The following USP13 variants were observed in gnomAD, a reference collection of about 807,000 sequenced individuals.
The protein encoded by USP13 is ubiquitin carboxyl-terminal hydrolase 13.
Under a neutral mutation model 107.8 loss-of-function variants are expected in USP13, and 68 were observed. The observed-to-expected ratio is 0.63, with a 90% CI of 0.52 to 0.77. The LOEUF (loss-of-function observed/expected upper bound fraction) is 0.77. Among genes scored for constraint, USP13 ranks in the 30% least tolerant of loss-of-function variants. The pLI is 0.00. For synonymous variants in USP13, 377 were observed against 389.5 expected (o/e 0.97, Z 0.38); for missense variants, 945 against 1,093.3 (o/e 0.86, Z 1.91).
intron 4 of USP13, among the ~76,000 whole-genome samples, chr3:179,705,796 C>T (rs1482162546): frequency 1.3e-5 from 2 of 152,148 alleles, no homozygotes; most frequent in Admixed American, 1.3e-4. Flanking sequence ...GTTCTCAGCT[C>T]ACTACAGCCT....
intron 2 of USP13, among the ~76,000 whole-genome samples, chr3:179,687,232 C>T (rs1215107940): frequency 6.6e-6 from 1 of 152,102 alleles, no homozygotes; most frequent in Non-Finnish European, 1.5e-5. Flanking sequence ...TTCTGGAGAC[C>T]TAGATATTCT....
At chr3:179,666,304 T>C (rs1054484964) in intron 1 of USP13, among the ~76,000 whole-genome samples, 1 of 152,192 alleles carries the variant, frequency 6.6e-6, no homozygotes, top group East Asian at 1.9e-4. Context: ...TTGTATCATT[T>C]GTGTAAAGCT....
rs138023810 is a variant in USP13, at chr3:179,679,560, C to G, written c.169-2318C>G. Among the ~76,000 whole-genome samples the G allele has an allele frequency of 3.6e-3, 553 of 152,054 alleles. 6 individuals carry two copies. The highest frequency in any genetic ancestry group is 4.3e-3 in the Non-Finnish European group (293 of 67,962). On this transcript the variant is annotated intron_variant, in intron 1 of 20. Transcript: ENST00000263966. ...GAGGAAAGGTTGGCTAATTTTGTAG[C>G]CTAAGTTTACAGAAAAGCATGTTAA...
chr3:179,694,305 T>C (rs1396785427), intron 3 of USP13, among the ~76,000 whole-genome samples: 1 of 152,092 alleles, frequency 6.6e-6, no homozygotes, highest in Non-Finnish European at 1.5e-5. Context: ...AGATAGATGC[T>C]TATTTTGCTG....
chr3:179,708,399 C>T (rs1336656391), intron 5 of USP13, among the ~76,000 whole-genome samples: 6 of 151,372 alleles, frequency 4.0e-5, no homozygotes, highest in African/African-American at 7.3e-5. Flanking sequence ...CTCCGCCTCT[C>T]GGGTTCAAGC....
intron 10 of USP13, among the ~76,000 whole-genome samples, chr3:179,735,317 C>T (rs1421623081): frequency 6.6e-6 from 1 of 152,056 alleles, no homozygotes; most frequent in Non-Finnish European, 1.5e-5. Context: ...GTCACTGGCT[C>T]ATTGCTAAAT....
intron 19 of USP13, among the ~76,000 whole-genome samples, chr3:179,777,463 T>A (rs11925172): frequency 1.2e-5 from 1 of 84,830 alleles, no homozygotes; most frequent in Non-Finnish European, 2.6e-5. Context: ...TTTTTTTTTT[T>A]CTTTTTTGAG....
At chr3:179,665,564 C>T (rs1188670001) in intron 1 of USP13, among the ~76,000 whole-genome samples, 3 of 152,098 alleles carry the variant, frequency 2.0e-5, no homozygotes, top group African/African-American at 7.2e-5. Context: ...AAGTTAGACC[C>T]TGCAGCACTT....
chr3:179,655,480 A>G (rs868384953), intron 1 of USP13, among the ~76,000 whole-genome samples: 1 of 150,534 alleles, frequency 6.6e-6, no homozygotes, highest in Admixed American at 6.6e-5. Context: ...TTCATTATCT[A>G]TGTTTCAGGG....
At chr3:179,739,234 T>C (rs1714101478) in intron 10 of USP13, among the ~76,000 whole-genome samples, 1 of 152,224 alleles carries the variant, frequency 6.6e-6, no homozygotes, top group South Asian at 2.1e-4. Flanking sequence ...CCTTCTGAGC[T>C]GTCCTGCTGG....
At position 179,681,809 on chromosome 3, in the gene USP13, T is replaced by C. The variant is rs974262391; in HGVS notation, c.169-69T>C. ...TCTTCAGCGTTTGCCTTCCTTCCCT[T>C]TCCCTCTTTCTACATCTGACTACTG... is the stretch of plus-strand genomic sequence containing the variant. On this transcript the variant is annotated intron_variant, in intron 1 of 20. Coordinates refer to ENST00000263966, the MANE Select transcript of USP13 (RefSeq NM_003940.3). 5 of 1,531,596 alleles carry C rather than the reference T, an allele frequency of 3.3e-6. No homozygotes were observed. In the African/African-American group the frequency reaches 5.6e-5, roughly 17 times the overall value. 94.9% of individuals were successfully genotyped at this position (1,531,596 alleles called of 1,614,324 possible).
At chr3:179,737,495 T>G (rs1254528243) in intron 10 of USP13, among the ~76,000 whole-genome samples, 1 of 152,232 alleles carries the variant, frequency 6.6e-6, no homozygotes, top group African/African-American at 2.4e-5. Context: ...TGCATGCTCG[T>G]GTCAGCTGAT....
At chr3:179,654,045 A>G (rs1720176074) in intron 1 of USP13, among the ~76,000 whole-genome samples, 1 of 151,510 alleles carries the variant, frequency 6.6e-6, no homozygotes, top group Admixed American at 6.6e-5. Flanking sequence ...CCCCATCTCT[A>G]CTAAAAAAGA....
At chr3:179,708,650 C>T (rs1209421091) in intron 5 of USP13, 123 bp from the exon 6 acceptor site, 4 of 1,196,180 alleles carry the variant, frequency 3.3e-6, no homozygotes, top group Admixed American at 2.3e-5. Context: ...GGGGAAGCAT[C>T]AGTCTCTGTT....
intron 13 of USP13, among the ~76,000 whole-genome samples, chr3:179,750,752 A>G (rs1714581859): frequency 6.6e-6 from 1 of 152,220 alleles, no homozygotes; most frequent in Non-Finnish European, 1.5e-5. Context: ...GTTTCACATC[A>G]TTTCATGAAC....
chr3:179,706,996 C>T lies in USP13; in HGVS notation c.540C>T (p.Asp180=), dbSNP rs769811538. 5 of 1,614,024 alleles carry T rather than the reference C, an allele frequency of 3.1e-6. No homozygotes were observed. Among genetic ancestry groups the T allele is most frequent in the Admixed American group, 3.3e-5 (2 of 60,004 alleles). The change falls in exon 5 of 21, where the codon GAC becomes GAT. Residue 180 remains aspartate, a synonymous_variant. Coordinates refer to ENST00000263966, the MANE Select transcript of USP13 (RefSeq NM_003940.3). ...CTCCATACAGAAAGCAGGACCCAGA[C>T]ACGTGGGAAAATGAATTGCCAGTAT... ...SKSPYRKQDP[D]TWENELPVSK...
chr3:179,695,389 G>C (rs1712287242), intron 3 of USP13, among the ~76,000 whole-genome samples: 1 of 152,062 alleles, frequency 6.6e-6, no homozygotes, highest in Non-Finnish European at 1.5e-5. Context: ...GACTTTACAA[G>C]GGAAGCTGAG....
At chr3:179,716,932 G>C (rs1713131992) in intron 6 of USP13, among the ~76,000 whole-genome samples, 1 of 152,024 alleles carries the variant, frequency 6.6e-6, no homozygotes, top group Non-Finnish European at 1.5e-5. Context: ...TCCGCAGATT[G>C]CTGCCTCATG....
rs1715938933 is a variant in USP13 at position 179,787,312 on chromosome 3, A to T, written c.*3171A>T. ...CTGTATCCTGACTCCACTCTAAGTG[A>T]GGTGGGACTGAATCACTGTACCTCT... On this transcript the variant is annotated 3_prime_UTR_variant, in exon 21 of 21. Coordinates refer to ENST00000263966, the MANE Select transcript of USP13 (RefSeq NM_003940.3). The T allele has an allele frequency of 6.6e-6, 1 of 152,210 alleles. No homozygotes were observed. The highest frequency in any genetic ancestry group is 1.5e-5 in the Non-Finnish European group (1 of 68,058). 9.4% of individuals were successfully genotyped at this position (152,210 alleles called of 1,614,324 possible). A position where few individuals can be genotyped will look rare whatever the true frequency, so the allele number is the denominator to read the frequency against.
Sources: allele counts gnomAD v4.1 joint callset (sites outside exome capture counted in the v4.1 genomes callset), GRCh38; gene constraint gnomAD v4.1.1; transcripts MANE v1.5; gene names NCBI Gene and HGNC (gene_info 2026-07-23, HGNC 2026-07-21).